Variants in ENOX1 observed in about 807,000 individuals in gnomAD.
ENOX1 encodes the protein ecto-NOX disulfide-thiol exchanger 1, also known as candidate growth-related and time keeping constitutive hydroquinone (NADH) oxidase.
In ENOX1, 42 loss-of-function variants were observed where a neutral mutation model predicts 82.5. The ratio of observed to expected loss-of-function variants is 0.51; its 90% CI spans 0.40 to 0.66. The LOEUF (loss-of-function observed/expected upper bound fraction) is 0.66. ENOX1 is among the 30% of genes least tolerant of loss of function. The pLI is 0.00. For synonymous variants in ENOX1, 271 were observed against 282.2 expected (o/e 0.96, Z 0.40); for missense variants, 608 against 811.6 (o/e 0.75, Z 3.05).
intron 2 of ENOX1, among the ~76,000 whole-genome samples, chr13:43,498,606 A>G (rs1350127502): frequency 6.6e-6 from 1 of 152,088 alleles, no homozygotes; most frequent in African/African-American, 2.4e-5. Flanking sequence ...TGAGAAAAGT[A>G]TCTTTCTTGC....
At chr13:43,616,802 C>T (rs1055857135) in intron 2 of ENOX1, among the ~76,000 whole-genome samples, 1 of 152,074 alleles carries the variant, frequency 6.6e-6, no homozygotes, top group African/African-American at 2.4e-5. Flanking sequence ...TGGGGAGGTA[C>T]TAGAGGAAAT....
rs150108127 is a variant in ENOX1 at position 43,469,444 on chromosome 13, G to T, written c.-75+14565C>A. 3.3e-3 allele frequency among the ~76,000 whole-genome samples: 496 copies of T among 151,894 alleles called. 1 individual carries two copies. Among genetic ancestry groups the T allele is most frequent in the Non-Finnish European group, 5.9e-3 (398 of 67,874 alleles). The stretch of plus-strand genomic sequence containing the variant: ...TCCTTTCCTCTTATGTATTTGTCAG[G>T]TTTTGCTATCAGGGTAATATTACAA... On this transcript the variant is annotated intron_variant, in intron 3 of 16. Coordinates refer to ENST00000690772, the MANE Select transcript of ENOX1 (RefSeq NM_001347969.2).
At chr13:43,553,514 T>C (rs2079296779) in intron 2 of ENOX1, among the ~76,000 whole-genome samples, 1 of 152,212 alleles carries the variant, frequency 6.6e-6, no homozygotes, top group Non-Finnish European at 1.5e-5. Flanking sequence ...TTATCCCTTT[T>C]TGATGTCATT....
chr13:43,484,507 A>G (rs1248220819), intron 2 of ENOX1, among the ~76,000 whole-genome samples: 1 of 152,200 alleles, frequency 6.6e-6, no homozygotes, highest in East Asian at 1.9e-4. Context: ...TAAATCTGGG[A>G]TCTTTAATAC....
At chr13:43,667,757 A>G (rs2085058153) in intron 1 of ENOX1, among the ~76,000 whole-genome samples, 1 of 152,210 alleles carries the variant, frequency 6.6e-6, no homozygotes, top group African/African-American at 2.4e-5. Flanking sequence ...TGAAGGTCTC[A>G]TCATAAACAA....
At chr13:43,320,561 C>T in intron 11 of ENOX1, among the ~76,000 whole-genome samples, 1 of 152,146 alleles carries the variant, frequency 6.6e-6, no homozygotes, top group East Asian at 1.9e-4. Flanking sequence ...GCATACTATT[C>T]AGAGTCATCA....
At chr13:43,590,963 T>A (rs1489780233) in intron 2 of ENOX1, among the ~76,000 whole-genome samples, 4 of 152,198 alleles carry the variant, frequency 2.6e-5, no homozygotes, top group African/African-American at 7.2e-5. Flanking sequence ...TATCATTTGA[T>A]ACTCAAGATT....
intron 3 of ENOX1, among the ~76,000 whole-genome samples, chr13:43,415,154 G>A (rs893141977): frequency 1.4e-5 from 2 of 144,218 alleles, no homozygotes; most frequent in Non-Finnish European, 3.0e-5. Flanking sequence ...AAGATGTGGT[G>A]TATAAACCTA....
At chr13:43,396,285 A>G (rs2053143752) in intron 5 of ENOX1, among the ~76,000 whole-genome samples, 1 of 152,170 alleles carries the variant, frequency 6.6e-6, no homozygotes, top group Admixed American at 6.5e-5. Flanking sequence ...CATCACTCAC[A>G]TGGCTGTATG....
intron 9 of ENOX1, among the ~76,000 whole-genome samples, chr13:43,339,649 C>T (rs2048942225): frequency 1.3e-5 from 2 of 152,134 alleles, no homozygotes; most frequent in South Asian, 4.1e-4. Context: ...CCATGGAATG[C>T]CATGAAGGAC....
At chr13:43,739,069 A>G (rs529641703) in intron 1 of ENOX1, among the ~76,000 whole-genome samples, 21 of 152,288 alleles carry the variant, frequency 1.4e-4, no homozygotes, top group African/African-American at 4.8e-4. Flanking sequence ...ACTGTTTCCT[A>G]GGTTCCAACT....
At chr13:43,272,088 C>G (rs961150078) in intron 12 of ENOX1, among the ~76,000 whole-genome samples, 3 of 151,908 alleles carry the variant, frequency 2.0e-5, no homozygotes, top group African/African-American at 7.3e-5. Flanking sequence ...TTTTACTGAG[C>G]TTGATTTATT....
chr13:43,665,020 G>A (rs924145446), intron 2 of ENOX1, among the ~76,000 whole-genome samples: 1 of 152,204 alleles, frequency 6.6e-6, no homozygotes, highest in Admixed American at 6.5e-5. Context: ...AAGCTTGTAA[G>A]TAAATGATTC....
intron 8 of ENOX1, among the ~76,000 whole-genome samples, chr13:43,351,377 T>A (rs541603181): frequency 4.4e-4 from 67 of 151,806 alleles, no homozygotes; most frequent in African/African-American, 1.6e-3. Context: ...TGCTTTAGGG[T>A]CGAGCAAAAT....
At chr13:43,363,820 GTAAA>G (rs2050676983) in intron 5 of ENOX1, among the ~76,000 whole-genome samples, 1 of 152,184 alleles carries the variant, frequency 6.6e-6, no homozygotes, top group Non-Finnish European at 1.5e-5. Context: ...TGAAGGCTAA[GTAAA>G]TAAATATATG....
At chr13:43,625,668 C>A (rs1478187206) in intron 2 of ENOX1, among the ~76,000 whole-genome samples, 1 of 151,858 alleles carries the variant, frequency 6.6e-6, no homozygotes, top group East Asian at 1.9e-4. Flanking sequence ...AATATTGAAC[C>A]AGCATTGCAT....
At chr13:43,445,299 AT>A (rs1179784133) in intron 3 of ENOX1, among the ~76,000 whole-genome samples, 2 of 151,508 alleles carry the variant, frequency 1.3e-5, no homozygotes, top group African/African-American at 2.4e-5. Flanking sequence ...AATTTTTTGT[AT>A]TTTTAGTAGA....
At chr13:43,405,393 C>T (rs1367081737) in intron 5 of ENOX1, among the ~76,000 whole-genome samples, 1 of 152,104 alleles carries the variant, frequency 6.6e-6, no homozygotes, top group Non-Finnish European at 1.5e-5. Flanking sequence ...TTGTGGCCAC[C>T]AAAGCCATAC....
intron 11 of ENOX1, among the ~76,000 whole-genome samples, chr13:43,315,998 T>C (rs1350399405): frequency 6.6e-6 from 1 of 152,224 alleles, no homozygotes; most frequent in Non-Finnish European, 1.5e-5. Flanking sequence ...TCCCTGGTCA[T>C]GCGTCTTAAC....
Sources: gnomAD v4.1 joint callset for allele counts (sites outside exome capture counted in the v4.1 genomes callset) on GRCh38, gnomAD v4.1.1 for gene constraint, MANE v1.5 for transcripts, NCBI Gene and HGNC (gene_info 2026-07-23, HGNC 2026-07-21) for gene names.